TAPT1: variants seen among roughly 807,000 people sequenced by gnomAD.
The protein encoded by TAPT1 is transmembrane anterior posterior transformation protein 1 homolog.
A neutral mutation model predicts 65.6 loss-of-function variants in TAPT1; 28 were observed. That is an observed-to-expected ratio of 0.43 (90% CI 0.32 to 0.59). The LOEUF (loss-of-function observed/expected upper bound fraction) is 0.59, where lower values mean the gene tolerates loss of function less well. TAPT1 is among the 20% of genes least tolerant of loss of function. The probability of loss-of-function intolerance (pLI) is 0.09; values close to 1 mark genes in which losing one functional copy is unlikely to be tolerated. For synonymous variants in TAPT1, 278 were observed against 245.2 expected, an observed-to-expected ratio of 1.13 and a Z score of -1.25; for missense variants, 563 against 679.9, an observed-to-expected ratio of 0.83 and a Z score of 1.91.
At position 16,191,538 on chromosome 4, in the gene TAPT1, A is replaced by T; in HGVS notation, c.450-15T>A. ...AACGTCTGTCCCTGAAACATACAAGAAGTAATAAAAATATAATTTTTACTC... is the reference window on the plus strand; with the variant it reads ...AACGTCTGTCCCTGAAACATACAAGTAGTAATAAAAATATAATTTTTACTC... On this transcript the variant is annotated splice_polypyrimidine_tract_variant and intron_variant, in intron 3 of 13. Transcript: ENST00000405303. 3 of 1,549,108 alleles carry T rather than the reference A, an allele frequency of 1.9e-6. No individual in the cohort carries two copies. Among genetic ancestry groups the T allele is most frequent in the Non-Finnish European group, 2.6e-6 (3 of 1,145,772 alleles).
chr4:16,209,560 A>G (rs1750541276), intron 2 of TAPT1, among the ~76,000 whole-genome samples: 1 of 152,220 alleles, frequency 6.6e-6, no homozygotes, highest in African/African-American at 2.4e-5. Flanking sequence ...AGATTCACAA[A>G]GATGACAAAA....
chr4:16,184,411 T>C (rs1003530411), intron 7 of TAPT1, among the ~76,000 whole-genome samples: 3 of 152,214 alleles, frequency 2.0e-5, no homozygotes, highest in African/African-American at 7.2e-5. Flanking sequence ...TTTATTTTCC[T>C]ACTGATAGCT....
intron 2 of TAPT1, among the ~76,000 whole-genome samples, chr4:16,206,175 T>G (rs1560180971): frequency 6.6e-6 from 1 of 152,214 alleles, no homozygotes; most frequent in Non-Finnish European, 1.5e-5. Flanking sequence ...CTCTAGGAGA[T>G]GGCCAACAAA....
chr4:16,226,170 C>CG (rs1751544832), intron 1 of TAPT1, 89 bp downstream of exon 1: 2 of 1,052,400 alleles, frequency 1.9e-6, no homozygotes, highest in Admixed American at 5.3e-5. Flanking sequence ...CCGCGCGGCT[C>CG]GGGGGCCGGG....
chr4:16,189,964 C>T (rs1472196717), intron 4 of TAPT1: 1 of 152,282 alleles, frequency 6.6e-6, no homozygotes, highest in African/African-American at 2.4e-5. Flanking sequence ...GAGGCCTAGG[C>T]TCTTTCTATG....
At chr4:16,195,792 T>C (rs1560173047) in intron 3 of TAPT1, among the ~76,000 whole-genome samples, 1 of 152,220 alleles carries the variant, frequency 6.6e-6, no homozygotes, top group African/African-American at 2.4e-5. Context: ...GCTGTTTCCT[T>C]TTCCTCTTTA....
At chr4:16,216,215 T>C (rs1750935482) in intron 1 of TAPT1, 1 of 152,308 alleles carries the variant, frequency 6.6e-6, no homozygotes, top group Admixed American at 6.5e-5. Flanking sequence ...CATCTGAGTC[T>C]CTTTGGTAGC....
intron 3 of TAPT1, among the ~76,000 whole-genome samples, chr4:16,198,376 C>T (rs1262779629): frequency 6.6e-6 from 1 of 152,124 alleles, no homozygotes; most frequent in Non-Finnish European, 1.5e-5. Flanking sequence ...CAATAATTTA[C>T]ATTATTGATG....
At chr4:16,198,204 T>C (rs1020627288) in intron 3 of TAPT1, among the ~76,000 whole-genome samples, 2 of 152,130 alleles carry the variant, frequency 1.3e-5, no homozygotes, top group African/African-American at 4.8e-5. Context: ...TCAAAAACCA[T>C]GGCAAGTTTG....
rs980193779 is a variant in TAPT1, at chr4:16,163,173, A to G, written c.*135T>C. ...CAGGCCATATTACTGGAAGAAAGAT[A>G]CTAAGATTTGCTTGCCAATAATAAT... On this transcript the variant is annotated 3_prime_UTR_variant, in exon 14 of 14. Transcript: ENST00000405303. 7 of 715,868 alleles carry G rather than the reference A, an allele frequency of 9.8e-6. No individual in the cohort carries two copies. The African/African-American group carries it at 1.2e-4, about 13-fold the overall frequency. The allele number at this position is 715,868 out of a possible 1,614,324, so 44.3% of individuals were successfully genotyped here. A position where few individuals can be genotyped will look rare whatever the true frequency, so the allele number is the denominator to read the frequency against.
At chr4:16,195,064 A>C (rs989465484) in intron 3 of TAPT1, among the ~76,000 whole-genome samples, 5 of 152,152 alleles carry the variant, frequency 3.3e-5, no homozygotes, top group African/African-American at 1.2e-4. Context: ...GTCCTTGTTA[A>C]TAAAAAAGAA....
intron 1 of TAPT1, among the ~76,000 whole-genome samples, chr4:16,221,154 C>G (rs564851670): frequency 2.0e-5 from 3 of 151,718 alleles, no homozygotes; most frequent in Non-Finnish European, 2.9e-5. Flanking sequence ...TGCTCTGTCA[C>G]CTGTTGCCCA....
rs1313817124 is a variant in TAPT1 at position 16,163,313 on chromosome 4, C to T, written c.1699G>A (p.Asp567Asn). The stretch of plus-strand genomic sequence containing the variant: ...CAGCGCATGAAGCCACAGATTCAGT[C>T]AATTCGGTTTCCACAAATTGTGAAC... ...DRFTICGNRI[D>N] is the part of the protein sequence containing the mutation. The change falls in exon 14 of 14, where the codon GAC becomes AAC. Residue 567 changes from aspartate to asparagine, a missense_variant. Around this residue, in one of 5 missense-constraint regions of TAPT1, gnomAD observed 136 missense variants for 153.9 expected, o/e 0.88. Transcript: ENST00000405303. 2 of 1,613,252 alleles carry T rather than the reference C, an allele frequency of 1.2e-6. No homozygotes were observed. Among genetic ancestry groups the T allele is most frequent in the Non-Finnish European group, 1.7e-6 (2 of 1,179,226 alleles).
intron 3 of TAPT1, among the ~76,000 whole-genome samples, chr4:16,197,781 ACTCTTAT>A (rs1431694314): frequency 1.3e-5 from 2 of 152,222 alleles, no homozygotes; most frequent in East Asian, 3.9e-4. Flanking sequence ...AAATGACACT[ACTCTTAT>A]CTGGGAAAGA....
chr4:16,189,387 G>C (rs1457946089), intron 4 of TAPT1, among the ~76,000 whole-genome samples: 1 of 152,170 alleles, frequency 6.6e-6, no homozygotes, highest in Non-Finnish European at 1.5e-5. Context: ...GAATAGGCTG[G>C]TTCACCTGTG....
chr4:16,218,680 A>C (rs568502906), intron 1 of TAPT1, among the ~76,000 whole-genome samples: 1 of 152,374 alleles, frequency 6.6e-6, no homozygotes, highest in Non-Finnish European at 1.5e-5. Flanking sequence ...CAGAATCATC[A>C]AAGGACTAAG....
chr4:16,179,497 A>G, intron 8 of TAPT1, 80 bp downstream of exon 8: 1 of 851,598 alleles, frequency 1.2e-6, no homozygotes, highest in African/African-American at 1.8e-5. Context: ...TTTCTGCAAT[A>G]TTCATTTTAT....
At chr4:16,218,264 G>C (rs998933336) in intron 1 of TAPT1, among the ~76,000 whole-genome samples, 2 of 152,252 alleles carry the variant, frequency 1.3e-5, no homozygotes, top group Middle Eastern at 3.4e-3. Context: ...AATTAGCCAG[G>C]TGTGGTGGCA....
chr4:16,172,817 TTTTG>T (rs1164038773), intron 11 of TAPT1, among the ~76,000 whole-genome samples: 28 of 151,906 alleles, frequency 1.8e-4, no homozygotes, highest in Admixed American at 1.8e-3. Context: ...GTTTGTTTTG[TTTTG>T]TTTTTGTTGT....
Sources: gnomAD v4.1 joint callset for allele counts (sites outside exome capture counted in the v4.1 genomes callset) on GRCh38, gnomAD v4.1.1 for gene constraint, gnomAD v4.1.1 regional missense constraint, MANE v1.5 for transcripts, NCBI Gene and HGNC (gene_info 2026-07-23, HGNC 2026-07-21) for gene names.